ZFAND3: variants seen among roughly 807,000 people sequenced by gnomAD.
ZFAND3 encodes AN1-type zinc finger protein 3.
Under a neutral mutation model 29.6 loss-of-function variants are expected in ZFAND3, and 10 were observed. The ratio of observed to expected loss-of-function variants is 0.34; its 90% CI spans 0.21 to 0.57. ZFAND3 has a LOEUF of 0.57. ZFAND3 is among the 20% of genes least tolerant of loss of function. The pLI is 0.86. For synonymous variants in ZFAND3, 128 were observed against 112.6 expected, an observed-to-expected ratio of 1.14 and a Z score of -0.87; for missense variants, 230 against 304.5, an observed-to-expected ratio of 0.76 and a Z score of 1.82.
intron 5 of ZFAND3, among the ~76,000 whole-genome samples, chr6:38,129,696 T>G (rs569781205): frequency 2.6e-5 from 4 of 152,210 alleles, no homozygotes; most frequent in Non-Finnish European, 5.9e-5. Context: ...TGTTATGCCA[T>G]TACTATGCCG....
At chr6:38,050,505 AAGTG>A (rs1182767080) in intron 2 of ZFAND3, among the ~76,000 whole-genome samples, 6 of 152,104 alleles carry the variant, frequency 3.9e-5, no homozygotes, top group Non-Finnish European at 7.3e-5. Flanking sequence ...GTTCTCGTGA[AAGTG>A]AGTGAGTTCC....
intron 2 of ZFAND3, among the ~76,000 whole-genome samples, chr6:37,956,388 G>A (rs1428302017): frequency 1.3e-5 from 2 of 152,176 alleles, no homozygotes; most frequent in East Asian, 1.9e-4. Context: ...GTGGCTTATG[G>A]AAGTAAATAG....
At chr6:37,952,183 C>T (rs1261242695) in intron 2 of ZFAND3, among the ~76,000 whole-genome samples, 3 of 151,992 alleles carry the variant, frequency 2.0e-5, no homozygotes, top group African/African-American at 7.3e-5. Flanking sequence ...TGTGTCTCGG[C>T]CAGGTTTTGG....
chr6:37,934,763 C>T (rs1165385527), intron 2 of ZFAND3, among the ~76,000 whole-genome samples: 1 of 141,484 alleles, frequency 7.1e-6, no homozygotes, highest in Non-Finnish European at 1.5e-5. Context: ...CACTTGAACC[C>T]GGTGGGTGGA....
rs1764101860 is a variant in ZFAND3, at chr6:37,842,794, A to G, written c.71+22778A>G. Among the ~76,000 whole-genome samples the G allele has an allele frequency of 2.0e-5, 3 of 152,230 alleles. No individual in the cohort carries two copies. The South Asian group carries it at 6.2e-4, about 32-fold the overall frequency. On this transcript the variant is annotated intron_variant, in intron 1 of 5. Transcript: ENST00000287218. ...CCAATGTTAAATAATCTCATTCATT[A>G]TGTTGTGATTTCTGCTACAGGATGA... is the stretch of plus-strand genomic sequence containing the variant.
intron 1 of ZFAND3, among the ~76,000 whole-genome samples, chr6:37,880,934 C>T (rs1292447680): frequency 1.0e-4 from 15 of 150,402 alleles, no homozygotes; most frequent in Non-Finnish European, 2.2e-4. Context: ...GTGGGTGCAG[C>T]GCACCAGCAT....
intron 1 of ZFAND3, among the ~76,000 whole-genome samples, chr6:37,870,209 C>T (rs912584883): frequency 2.1e-5 from 3 of 143,212 alleles, no homozygotes; most frequent in Admixed American, 7.5e-5. Flanking sequence ...TTTGTGAGCC[C>T]GATGTGGGAG....
chr6:38,152,323 GA>G lies in ZFAND3; in HGVS notation c.622del (p.Met208TrpfsTer2). ...MGRGREEAIM[K>X]MVKLDRKVGR... Reference sequence around the variant, plus strand: ...GCCGTGGCCGGGAGGAAGCCATCATGAAAATGGTGAAGCTGGACCGGAAAGT... The same window carrying G: ...GCCGTGGCCGGGAGGAAGCCATCATGAAATGGTGAAGCTGGACCGGAAAGT... On this transcript the variant is annotated frameshift_variant, in exon 6 of 6. Transcript: ENST00000287218. LOFTEE classifies it high-confidence loss of function. 6.2e-7 allele frequency: 1 copy of G among 1,610,746 alleles called. No individual in the cohort carries two copies. The highest frequency in any genetic ancestry group is 1.1e-5 in the South Asian group (1 of 90,510).
At chr6:37,892,486 C>T (rs1373881687) in intron 1 of ZFAND3, among the ~76,000 whole-genome samples, 1 of 152,162 alleles carries the variant, frequency 6.6e-6, no homozygotes, top group African/African-American at 2.4e-5. Context: ...GAGAAATTTA[C>T]AGCTGTCAAT....
rs1385021769 is a variant in ZFAND3 at position 38,116,690 on chromosome 6, C to T, written c.480C>T (p.Cys160=). The change falls in exon 5 of 6, where the codon TGC becomes TGT. Residue 160 remains cysteine, a synonymous_variant. Coordinates refer to ENST00000287218, the MANE Select transcript of ZFAND3 (RefSeq NM_021943.3). ...KQKSRRRCFQ[C]QTKLELVQQE... is the part of the protein sequence containing the mutation. ...AGAGTCGACGTCGGTGCTTCCAGTGCCAAACCAAACTGGAGCTGGTGCAGC... is the reference window on the plus strand; with the variant it reads ...AGAGTCGACGTCGGTGCTTCCAGTGTCAAACCAAACTGGAGCTGGTGCAGC... The T allele has an allele frequency of 1.2e-6, 2 of 1,614,050 alleles. No individual in the cohort carries two copies. The highest frequency in any genetic ancestry group is 2.7e-5 in the African/African-American group (2 of 74,926).
At chr6:37,991,797 T>A (rs1409901395) in intron 2 of ZFAND3, among the ~76,000 whole-genome samples, 4 of 152,206 alleles carry the variant, frequency 2.6e-5, no homozygotes, top group Non-Finnish European at 5.9e-5. Flanking sequence ...GACCCTATTT[T>A]GGAGTTTCAT....
At position 38,102,147 on chromosome 6, in the gene ZFAND3, A is replaced by ATCT. The variant is rs1050694751; in HGVS notation, c.362-14413_362-14411dup. Among the ~76,000 whole-genome samples the ATCT allele has an allele frequency of 2.7e-5, 4 of 148,094 alleles. No individual in the cohort carries two copies. The East Asian group carries it at 5.9e-4, about 22-fold the overall frequency. On this transcript the variant is annotated intron_variant, in intron 4 of 5. Coordinates refer to ENST00000287218, the MANE Select transcript of ZFAND3 (RefSeq NM_021943.3). ...CTTCTCTTTCTCCTCCTCCTCCTTCATCTTCTTCTTCTTCATCTTCATCTT... is the reference window on the plus strand; with the variant it reads ...CTTCTCTTTCTCCTCCTCCTCCTTCATCTTCTTCTTCTTCTTCATCTTCATCTT...
At chr6:37,958,251 C>G (rs544324935) in intron 2 of ZFAND3, among the ~76,000 whole-genome samples, 23 of 152,192 alleles carry the variant, frequency 1.5e-4, no homozygotes, top group Admixed American at 1.3e-4. Context: ...GTCAGGAGTT[C>G]GAGACCAGCC....
At chr6:37,924,875 G>C (rs1467864994) in intron 1 of ZFAND3, among the ~76,000 whole-genome samples, 1 of 152,024 alleles carries the variant, frequency 6.6e-6, no homozygotes. Flanking sequence ...GAGGAGGTTT[G>C]AACTAGGATA....
intron 2 of ZFAND3, among the ~76,000 whole-genome samples, chr6:38,015,591 T>C (rs1316210678): frequency 1.3e-5 from 2 of 152,218 alleles, no homozygotes; most frequent in Non-Finnish European, 2.9e-5. Context: ...GTTCATACCC[T>C]AGAACACTAT....
At chr6:37,875,775 C>T (rs1764782324) in intron 1 of ZFAND3, among the ~76,000 whole-genome samples, 1 of 151,820 alleles carries the variant, frequency 6.6e-6, no homozygotes, top group Admixed American at 6.6e-5. Context: ...CCTCCCGCCT[C>T]AGCCTCACAG....
At chr6:37,926,004 GTAAT>G (rs1761477857) in intron 1 of ZFAND3, among the ~76,000 whole-genome samples, 1 of 152,176 alleles carries the variant, frequency 6.6e-6, no homozygotes, top group Non-Finnish European at 1.5e-5. Context: ...AAAAGTAGAG[GTAAT>G]GAAGACTGAG....
chr6:37,833,824 C>CAAAAA (rs55733520), intron 1 of ZFAND3, among the ~76,000 whole-genome samples: 13 of 68,030 alleles, frequency 1.9e-4, no homozygotes, highest in East Asian at 3.9e-4. Context: ...GACACTGTCT[C>CAAAAA]AAAAAAAAAA....
intron 1 of ZFAND3, among the ~76,000 whole-genome samples, chr6:37,838,187 T>G (rs1764003966): frequency 6.6e-6 from 1 of 152,258 alleles, no homozygotes; most frequent in Non-Finnish European, 1.5e-5. Context: ...TATCTGAAGC[T>G]TTGGGATTAT....
Sources: allele counts gnomAD v4.1 joint callset (sites outside exome capture counted in the v4.1 genomes callset), GRCh38; gene constraint gnomAD v4.1.1; transcripts MANE v1.5; gene names NCBI Gene and HGNC (gene_info 2026-07-23, HGNC 2026-07-21).